CCDC178: variants seen among roughly 807,000 people sequenced by gnomAD.
The protein encoded by CCDC178 is coiled-coil domain containing 178.
Under a neutral mutation model 117.4 loss-of-function variants are expected in CCDC178, and 126 were observed. That is an observed-to-expected ratio of 1.07 (90% CI 0.93 to 1.24). The LOEUF is 1.24. Among genes scored for constraint, CCDC178 ranks in the 50% most tolerant of loss-of-function variants. CCDC178 has a pLI of 0.00. For missense variants in CCDC178, 1,030 were observed against 986.9 expected (o/e 1.04, Z -0.59); for synonymous variants, 283 against 313.4 (o/e 0.90, Z 1.02).
intron 12 of CCDC178, among the ~76,000 whole-genome samples, chr18:33,289,290 T>C (rs932222611): frequency 6.6e-6 from 1 of 152,128 alleles, no homozygotes; most frequent in Non-Finnish European, 1.5e-5. Context: ...AAATCTTGAA[T>C]CTTATTTGCA....
intron 2 of CCDC178, among the ~76,000 whole-genome samples, chr18:33,431,073 TCAAAAAA>T (rs2064211431): frequency 1.2e-5 from 1 of 81,138 alleles, no homozygotes; most frequent in East Asian, 4.2e-4. Flanking sequence ...AGACTACGTC[TCAAAAAA>T]AAAAAAAAAA....
intron 20 of CCDC178, among the ~76,000 whole-genome samples, chr18:33,126,421 T>C (rs1030176615): frequency 3.4e-5 from 5 of 148,792 alleles, no homozygotes; most frequent in African/African-American, 1.2e-4. Flanking sequence ...AATATAAATA[T>C]ATATATAATA....
At chr18:33,412,839 T>C (rs1049812742) in intron 2 of CCDC178, among the ~76,000 whole-genome samples, 1 of 152,182 alleles carries the variant, frequency 6.6e-6, no homozygotes, top group African/African-American at 2.4e-5. Context: ...ACAAACAAGG[T>C]CCGTACATAG....
intron 20 of CCDC178, among the ~76,000 whole-genome samples, chr18:33,202,083 G>A (rs1002679337): frequency 6.6e-6 from 1 of 151,920 alleles, no homozygotes; most frequent in Non-Finnish European, 1.5e-5. Flanking sequence ...GAATTACTGG[G>A]TACATATTTC....
chr18:32,943,954 C>T (rs986050107), intron 22 of CCDC178, among the ~76,000 whole-genome samples: 3 of 152,170 alleles, frequency 2.0e-5, no homozygotes, highest in Non-Finnish European at 4.4e-5. Context: ...TTGTAAGTCA[C>T]CTTTCTCTTT....
At chr18:33,264,228 C>A in intron 14 of CCDC178, among the ~76,000 whole-genome samples, 1 of 151,716 alleles carries the variant, frequency 6.6e-6, no homozygotes, top group East Asian at 1.9e-4. Flanking sequence ...TGCAAATAAT[C>A]GAAATAGATA....
intron 20 of CCDC178, among the ~76,000 whole-genome samples, chr18:33,118,158 T>C (rs772489494): frequency 1.2e-4 from 18 of 152,064 alleles, no homozygotes; most frequent in Non-Finnish European, 2.6e-4. Flanking sequence ...ATGTTCCCCA[T>C]CATCCTGAAG....
chr18:33,116,823 A>G (rs2057863668), intron 20 of CCDC178, among the ~76,000 whole-genome samples: 1 of 111,800 alleles, frequency 8.9e-6, no homozygotes, highest in Non-Finnish European at 1.8e-5. Context: ...GGAAAATCTC[A>G]GGCCTGGTTG....
intron 20 of CCDC178, among the ~76,000 whole-genome samples, chr18:33,114,385 C>A (rs942347028): frequency 7.9e-5 from 12 of 151,898 alleles, no homozygotes; most frequent in African/African-American, 2.9e-4. Context: ...GGGTGGGGAA[C>A]TTGGGGTCTG....
intron 5 of CCDC178, among the ~76,000 whole-genome samples, chr18:33,386,202 G>A (rs547293555): frequency 6.6e-6 from 1 of 152,230 alleles, no homozygotes; most frequent in South Asian, 2.1e-4. Context: ...CTGAAATTGA[G>A]GCAGTAATAA....
intron 12 of CCDC178, among the ~76,000 whole-genome samples, chr18:33,291,203 A>AG (rs1372982161): frequency 6.6e-6 from 1 of 152,168 alleles, no homozygotes; most frequent in Non-Finnish European, 1.5e-5. Context: ...AGTTCACAAA[A>AG]GGAAAATGCA....
At chr18:33,015,169 T>A (rs1442636254) in intron 21 of CCDC178, among the ~76,000 whole-genome samples, 2 of 148,666 alleles carry the variant, frequency 1.3e-5, no homozygotes, top group East Asian at 4.0e-4. Context: ...GGCAGGAGAA[T>A]CTCTTTAACT....
intron 21 of CCDC178, among the ~76,000 whole-genome samples, chr18:33,041,054 C>T (rs2056541320): frequency 1.3e-5 from 2 of 151,774 alleles, no homozygotes; most frequent in African/African-American, 2.4e-5. Flanking sequence ...GTAATAGGTA[C>T]AAGTGAAAGG....
At chr18:32,991,858 T>A (rs781510151) in intron 21 of CCDC178, among the ~76,000 whole-genome samples, 2 of 152,240 alleles carry the variant, frequency 1.3e-5, no homozygotes, top group Non-Finnish European at 2.9e-5. Context: ...AAGAATTCTG[T>A]GTTAATTACC....
At chr18:33,333,082 A>C (rs2062691373) in intron 10 of CCDC178, 92 bp downstream of exon 10, 1 of 673,902 alleles carries the variant, frequency 1.5e-6, no homozygotes, top group Non-Finnish European at 2.4e-6. Flanking sequence ...AAAAAAAAAA[A>C]ACCTTTAAAG....
intron 20 of CCDC178, among the ~76,000 whole-genome samples, chr18:33,197,451 T>TG (rs1017656263): frequency 8.5e-5 from 13 of 152,076 alleles, no homozygotes; most frequent in African/African-American, 3.1e-4. Flanking sequence ...TTGTGTGTAG[T>TG]GGGGTAGTGG....
At chr18:33,057,536 G>A (rs939812416) in intron 21 of CCDC178, among the ~76,000 whole-genome samples, 1 of 152,074 alleles carries the variant, frequency 6.6e-6, no homozygotes, top group Non-Finnish European at 1.5e-5. Flanking sequence ...TTGTCACCCA[G>A]GCTGGAGTGC....
chr18:33,406,427 A>G (rs973734997), intron 3 of CCDC178, among the ~76,000 whole-genome samples: 1 of 152,050 alleles, frequency 6.6e-6, no homozygotes, highest in Non-Finnish European at 1.5e-5. Flanking sequence ...AATATTTCAT[A>G]ATATGAAAGA....
chr18:33,098,049 C>A lies in CCDC178; in HGVS notation c.2239-5139G>T, dbSNP rs79203121. On this transcript the variant is annotated intron_variant, in intron 20 of 22. Transcript: ENST00000383096. Reference sequence around the variant, plus strand: ...GTAGAATAATGCTACCCTTGGAGATCTGTGGAGCTTCCACCAGAGACACTT... The same window carrying A: ...GTAGAATAATGCTACCCTTGGAGATATGTGGAGCTTCCACCAGAGACACTT... Among the ~76,000 whole-genome samples, 664 of 152,096 alleles carry A rather than the reference C, an allele frequency of 4.4e-3. 5 individuals are homozygous for A. Among genetic ancestry groups the A allele is most frequent in the African/African-American group, 0.015 (636 of 41,520 alleles).
Sources: gnomAD v4.1 joint callset for allele counts (sites outside exome capture counted in the v4.1 genomes callset) on GRCh38, gnomAD v4.1.1 for gene constraint, MANE v1.5 for transcripts, NCBI Gene and HGNC (gene_info 2026-07-23, HGNC 2026-07-21) for gene names.